The following CSMD1 variants were observed in gnomAD, a reference collection of about 807,000 sequenced individuals.
CSMD1 encodes CUB and Sushi multiple domains 1.
CSMD1 carries 213 observed loss-of-function variants against 417.5 expected under a neutral mutation model. That is an observed-to-expected ratio of 0.51 (90% confidence interval 0.46 to 0.57). CSMD1 has a LOEUF of 0.57. CSMD1 is among the 20% of genes least tolerant of loss of function. CSMD1 has a pLI of 0.00. For missense variants in CSMD1, 6,923 were observed against 4,529.7 expected (o/e 1.53, Z -15.17); for synonymous variants, 2,862 against 1,736.8 (o/e 1.65, Z -16.11).
chr8:3,182,443 G>C (rs1347852090), intron 36 of CSMD1, among the ~76,000 whole-genome samples: 1 of 152,090 alleles, frequency 6.6e-6, no homozygotes, highest in Non-Finnish European at 1.5e-5. Flanking sequence ...TCGAACTCCT[G>C]ACCTCAAGTG....
intron 2 of CSMD1, among the ~76,000 whole-genome samples, chr8:4,598,247 C>T (rs892203947): frequency 6.6e-6 from 1 of 152,130 alleles, no homozygotes; most frequent in Admixed American, 6.5e-5. Flanking sequence ...CTAATTTATG[C>T]CACACTCACC....
chr8:3,025,263 A>C (rs951663101), intron 51 of CSMD1, among the ~76,000 whole-genome samples: 2 of 151,238 alleles, frequency 1.3e-5, no homozygotes, highest in Non-Finnish European at 3.0e-5. Context: ...TGTTATTCTG[A>C]AACTGTGTAT....
chr8:4,276,510 G>A (rs1413252254), intron 3 of CSMD1, among the ~76,000 whole-genome samples: 1 of 152,114 alleles, frequency 6.6e-6, no homozygotes, highest in Non-Finnish European at 1.5e-5. Context: ...GTTAGTGGGT[G>A]CAGCAAACCA....
intron 7 of CSMD1, among the ~76,000 whole-genome samples, chr8:3,645,155 C>G (rs1289363891): frequency 6.6e-6 from 1 of 152,004 alleles, no homozygotes; most frequent in East Asian, 1.9e-4. Context: ...AACATAAGAT[C>G]AAATCACCAT....
At chr8:4,865,177 C>T (rs1197568910) in intron 1 of CSMD1, among the ~76,000 whole-genome samples, 1 of 151,726 alleles carries the variant, frequency 6.6e-6, no homozygotes, top group Admixed American at 6.6e-5. Context: ...ACTTTAATGA[C>T]ATGTTCTAAT....
At chr8:4,187,453 G>T (rs775009260) in intron 3 of CSMD1, among the ~76,000 whole-genome samples, 1 of 152,094 alleles carries the variant, frequency 6.6e-6, no homozygotes, top group East Asian at 1.9e-4. Context: ...AGACCAGCCT[G>T]ATCAACATGG....
chr8:3,881,869 T>G (rs565235519), intron 5 of CSMD1, among the ~76,000 whole-genome samples: 4 of 152,054 alleles, frequency 2.6e-5, no homozygotes, highest in African/African-American at 9.7e-5. Context: ...GATTGACTTC[T>G]CCATAAATGG....
chr8:4,976,925 A>G (rs186325377), intron 1 of CSMD1, among the ~76,000 whole-genome samples: 521 of 152,304 alleles, frequency 3.4e-3, no homozygotes, highest in Non-Finnish European at 5.4e-3. Flanking sequence ...CAGAGCATCA[A>G]GTGTGTTCTG....
chr8:4,215,003 G>A (rs1255777964), intron 3 of CSMD1, among the ~76,000 whole-genome samples: 1 of 152,170 alleles, frequency 6.6e-6, no homozygotes, highest in Non-Finnish European at 1.5e-5. Flanking sequence ...TACTGAGAAA[G>A]TCAAGTTCAA....
intron 64 of CSMD1, among the ~76,000 whole-genome samples, chr8:2,954,644 T>G (rs1311092448): frequency 1.3e-5 from 2 of 152,188 alleles, no homozygotes; most frequent in African/African-American, 4.8e-5. Flanking sequence ...TCCCTCTTCA[T>G]TGACCAATAC....
intron 1 of CSMD1, among the ~76,000 whole-genome samples, chr8:4,963,830 G>A (rs1201097617): frequency 6.6e-6 from 1 of 151,944 alleles, no homozygotes; most frequent in East Asian, 1.9e-4. Flanking sequence ...ACTAACCATG[G>A]GAGTAGTCAC....
intron 58 of CSMD1, among the ~76,000 whole-genome samples, chr8:2,966,185 T>G (rs142631371): frequency 1.6e-3 from 250 of 152,322 alleles, no homozygotes; most frequent in African/African-American, 5.7e-3. Flanking sequence ...GGCTGTCAGA[T>G]GCTGACTTCC....
chr8:3,245,081 T>G (rs965078448), intron 26 of CSMD1, among the ~76,000 whole-genome samples: 1 of 152,206 alleles, frequency 6.6e-6, no homozygotes, highest in Non-Finnish European at 1.5e-5. Context: ...GTGTTAGCAT[T>G]GTGAATTTGT....
At chr8:4,008,134 G>C (rs766247615) in intron 4 of CSMD1, among the ~76,000 whole-genome samples, 16 of 152,074 alleles carry the variant, frequency 1.1e-4, no homozygotes, top group Non-Finnish European at 1.8e-4. Context: ...GGCAGGTAGA[G>C]AAAACAAAAT....
intron 3 of CSMD1, among the ~76,000 whole-genome samples, chr8:4,228,635 C>A (rs1235459613): frequency 1.4e-5 from 2 of 144,184 alleles, no homozygotes; most frequent in South Asian, 4.3e-4. Context: ...TAACTTTTTC[C>A]AGTCTCACCC....
At chr8:3,094,278 G>A (rs1450327409) in intron 47 of CSMD1, among the ~76,000 whole-genome samples, 1 of 151,896 alleles carries the variant, frequency 6.6e-6, no homozygotes, top group Non-Finnish European at 1.5e-5. Flanking sequence ...GCTAACTTTT[G>A]TATTTTTTAG....
chr8:4,416,542 G>A (rs895184793), intron 3 of CSMD1, among the ~76,000 whole-genome samples: 1 of 152,024 alleles, frequency 6.6e-6, no homozygotes, highest in Non-Finnish European at 1.5e-5. Flanking sequence ...GATAATAGAT[G>A]CACGCATTTC....
intron 25 of CSMD1, among the ~76,000 whole-genome samples, chr8:3,291,107 G>T (rs1253282207): frequency 1.3e-5 from 2 of 152,170 alleles, no homozygotes; most frequent in East Asian, 1.9e-4. Context: ...CGTTGGTTCT[G>T]TTTATATGCT....
chr8:4,130,261 C>G (rs151252956), intron 3 of CSMD1, among the ~76,000 whole-genome samples: 1 of 152,242 alleles, frequency 6.6e-6, no homozygotes, highest in African/African-American at 2.4e-5. Context: ...CCAAGGATGT[C>G]TATATTCATG....
Sources: gnomAD v4.1 joint callset for allele counts (sites outside exome capture counted in the v4.1 genomes callset) on GRCh38, gnomAD v4.1.1 for gene constraint, MANE v1.5 for transcripts, NCBI Gene and HGNC (gene_info 2026-07-23, HGNC 2026-07-21) for gene names.